Variants in TOMM40 observed in about 807,000 individuals in gnomAD.
The protein encoded by TOMM40 is translocase of outer mitochondrial membrane 40.
Under a neutral mutation model 38.4 loss-of-function variants are expected in TOMM40, and 9 were observed. The ratio of observed to expected loss-of-function variants is 0.23; its 90% CI spans 0.14 to 0.41. The LOEUF (loss-of-function observed/expected upper bound fraction) is 0.41, where lower values mean the gene tolerates loss of function less well. Ranked by LOEUF, TOMM40 falls within the 10% of genes least tolerant of loss-of-function variation. TOMM40 has a pLI of 1.00. For synonymous variants in TOMM40, 184 were observed against 210.0 expected (o/e 0.88, Z 1.07); for missense variants, 299 against 486.5 (o/e 0.61, Z 3.63).
At chr19:44,898,730 G>A (rs552796536) in intron 5 of TOMM40, among the ~76,000 whole-genome samples, 246 of 151,658 alleles carry the variant, frequency 1.6e-3, no homozygotes, top group Non-Finnish European at 2.8e-3. Context: ...TAGAGACAGG[G>A]TTTCACCATG....
In TOMM40 at chr19:44,903,197, C is replaced by T. The variant is rs1411271919; in HGVS notation, c.*28C>T. 4 of 1,584,902 alleles carry T rather than the reference C, an allele frequency of 2.5e-6. No homozygotes were observed. Among genetic ancestry groups the T allele is most frequent in the Non-Finnish European group, 3.4e-6 (4 of 1,166,334 alleles). The stretch of plus-strand genomic sequence containing the variant: ...CCTCCTGGCCCCCGCCTTCCACGCC[C>T]TTCCGATTCCACCTCCACCTCCACC... On this transcript the variant is annotated 3_prime_UTR_variant, in exon 9 of 9. Transcript: ENST00000426677.
At chr19:44,895,668 T>C (rs1017219822) in intron 5 of TOMM40, among the ~76,000 whole-genome samples, 1 of 152,024 alleles carries the variant, frequency 6.6e-6, no homozygotes, top group African/African-American at 2.4e-5. Context: ...CTCCCTAGTA[T>C]CCCTAGTAGC....
At chr19:44,894,088 G>T (rs776646479) in intron 5 of TOMM40, 22 bp downstream of exon 5, 2 of 1,482,318 alleles carry the variant, frequency 1.3e-6, no homozygotes, top group Middle Eastern at 2.4e-4. Context: ...AGGGCTTGGA[G>T]GGTGGTCACA....
At chr19:44,901,591 T>C in intron 8 of TOMM40, 1 of 733,158 alleles carries the variant, frequency 1.4e-6, no homozygotes, top group Non-Finnish European at 2.1e-6. Context: ...AAAAACAAAA[T>C]TAGCCGGGTG....
chr19:44,893,914 G>A (rs73936970), intron 4 of TOMM40, 33 bp downstream of exon 4: 103 of 1,607,670 alleles, frequency 6.4e-5, no homozygotes, highest in African/African-American at 3.7e-4. Flanking sequence ...TGCTCCCCTC[G>A]GCCACCGTGA....
At position 44,894,261 on chromosome 19, in the gene TOMM40, C is replaced by CTTTTTTT. The variant is rs35647923; in HGVS notation, c.643+207_643+213dup. 9.0e-5 allele frequency among the ~76,000 whole-genome samples: 12 copies of CTTTTTTT among 133,632 alleles called. 1 individual carries two copies. The highest frequency in any genetic ancestry group is 3.2e-4 in the African/African-American group (11 of 34,732). 87.7% of individuals were successfully genotyped at this position (133,632 alleles called of 152,430 possible). ...CCATGAGTGGGTGAGTCAGAGCAGTCTTTTTTTTTTTTTTTTTTGAGATGG... is the reference window on the plus strand; with the variant it reads ...CCATGAGTGGGTGAGTCAGAGCAGTCTTTTTTTTTTTTTTTTTTTTTTTTTGAGATGG... On this transcript the variant is annotated intron_variant, in intron 5 of 8. Transcript: ENST00000426677.
At chr19:44,899,618 ATTTT>A (rs139644294) in intron 5 of TOMM40, among the ~76,000 whole-genome samples, 17 of 143,506 alleles carry the variant, frequency 1.2e-4, no homozygotes, top group African/African-American at 3.8e-4. Context: ...CCTGGCCTTG[ATTTT>A]TTTTTTTTTT....
intron 6 of TOMM40, 37 bp from the exon 7 acceptor site, chr19:44,900,991 G>A: frequency 6.2e-7 from 1 of 1,612,890 alleles, no homozygotes; most frequent in Non-Finnish European, 8.5e-7. Flanking sequence ...AAATCCCCTT[G>A]GTAATGAGAC....
chr19:44,897,918 C>T (rs1340597831), intron 5 of TOMM40, among the ~76,000 whole-genome samples: 58 of 152,052 alleles, frequency 3.8e-4, no homozygotes, highest in Admixed American at 3.8e-3. Context: ...CTACTGTGCC[C>T]CGCCCGTGTG....
At chr19:44,897,473 C>G (rs1338263902) in intron 5 of TOMM40, among the ~76,000 whole-genome samples, 2 of 152,074 alleles carry the variant, frequency 1.3e-5, no homozygotes, top group African/African-American at 2.4e-5. Flanking sequence ...TACCTCTGCC[C>G]TGAGACGCAG....
rs73936969 is a variant in TOMM40 at position 44,892,824 on chromosome 19, G to A, written c.343-13G>A. 6.8e-6 allele frequency: 11 copies of A among 1,605,964 alleles called. No individual in the cohort carries two copies. The highest frequency in any genetic ancestry group is 3.3e-5 in the Admixed American group (2 of 59,968). Reference sequence around the variant, plus strand: ...TCTGTCCAGTATCGTCACAGCTCTCGCTTTCCTTCCAGGTCAACCACACAG... The same window carrying A: ...TCTGTCCAGTATCGTCACAGCTCTCACTTTCCTTCCAGGTCAACCACACAG... On this transcript the variant is annotated splice_polypyrimidine_tract_variant and intron_variant, in intron 2 of 8. Transcript: ENST00000426677.
rs1249240901 is a variant in TOMM40, at chr19:44,893,889, G to A, written c.537+8G>A. ...TCCAAGATGGCCATCCAGGTGAGTG[G>A]GGCACGGAGGCTGCTGCTCCCCTCG... On this transcript the variant is annotated splice_region_variant and intron_variant, in intron 4 of 8. Transcript: ENST00000426677. The A allele has an allele frequency of 1.9e-6, 3 of 1,611,898 alleles. No homozygotes were observed. Among genetic ancestry groups the A allele is most frequent in the Non-Finnish European group, 2.5e-6 (3 of 1,179,714 alleles).
rs567617672 is a variant in TOMM40 at position 44,903,351 on chromosome 19, C to T, written c.*182C>T. The T allele has an allele frequency of 4.3e-5, 27 of 628,616 alleles. No homozygotes were observed. The highest frequency in any genetic ancestry group is 3.6e-4 in the African/African-American group (19 of 52,956). 38.9% of individuals were successfully genotyped at this position (628,616 alleles called of 1,614,324 possible). A position where few individuals can be genotyped will look rare whatever the true frequency, so the allele number is the denominator to read the frequency against. On this transcript the variant is annotated 3_prime_UTR_variant, in exon 9 of 9. Transcript: ENST00000426677. ...AGGAGGGGATTCTGGAACTGAATGG[C>T]GCTTCGGGATTCTGAGTAGCAGGGG... is the stretch of plus-strand genomic sequence containing the variant.
At chr19:44,901,491 C>T in intron 8 of TOMM40, 181 bp downstream of exon 8, 1 of 1,441,674 alleles carries the variant, frequency 6.9e-7, no homozygotes, top group Non-Finnish European at 9.1e-7. Context: ...GCCTGTAATC[C>T]CAGCACTTTG....
At chr19:44,894,495 C>G (rs564024549) in intron 5 of TOMM40, among the ~76,000 whole-genome samples, 4 of 152,274 alleles carry the variant, frequency 2.6e-5, no homozygotes, top group African/African-American at 7.2e-5. Context: ...CTCCTGACCT[C>G]AAGGGATCCA....
At chr19:44,894,594 G>A (rs559568457) in intron 5 of TOMM40, among the ~76,000 whole-genome samples, 3 of 152,042 alleles carry the variant, frequency 2.0e-5, no homozygotes, top group African/African-American at 7.2e-5. Flanking sequence ...ATTTTCTTTT[G>A]TATTAAAAAA....
In TOMM40 at chr19:44,893,868, A is replaced by G. The variant is rs1344203364; in HGVS notation, c.524A>G (p.Lys175Arg). The G allele has an allele frequency of 6.2e-7, 1 of 1,612,348 alleles. No individual in the cohort carries two copies. The highest frequency in any genetic ancestry group is 2.2e-5 in the East Asian group (1 of 44,878). ...CAGCTGGGCCCCGGTCTCAGGTCCA[A>G]GATGGCCATCCAGGTGAGTGGGGCA... ...IHQLGPGLRS[K>R]MAIQTQQSKF... is the part of the protein sequence containing the mutation. The change falls in exon 4 of 9, where the codon AAG becomes AGG. Residue 175 changes from lysine to arginine, a missense_variant. By Grantham distance (26) the Lys-to-Arg change is conservative (BLOSUM62 2). Transcript: ENST00000426677.
chr19:44,895,333 G>C (rs528311166), intron 5 of TOMM40, among the ~76,000 whole-genome samples: 2 of 152,248 alleles, frequency 1.3e-5, no homozygotes, highest in Non-Finnish European at 2.9e-5. Flanking sequence ...GGAGAAGCAG[G>C]AACAGGGGTG....
rs1969484378 is a variant in TOMM40, at chr19:44,892,442, G to A, written c.324G>A (p.Gly108=). The A allele has an allele frequency of 1.2e-6, 2 of 1,612,950 alleles. No individual in the cohort carries two copies. The highest frequency in any genetic ancestry group is 2.2e-5 in the East Asian group (1 of 44,892). The change falls in exon 2 of 9, where the codon GGG becomes GGA. Residue 108 remains glycine, a synonymous_variant. Coordinates refer to ENST00000426677, the MANE Select transcript of TOMM40 (RefSeq NM_001128917.2). ...GTGTCAAGCTCACAGTCAACAAAGGGTTGAGTAACCATTTTCAGGTGAGCC... is the reference window on the plus strand; with the variant it reads ...GTGTCAAGCTCACAGTCAACAAAGGATTGAGTAACCATTTTCAGGTGAGCC... ...MEGVKLTVNK[G]LSNHFQVNHT...
Sources: allele counts gnomAD v4.1 joint callset (sites outside exome capture counted in the v4.1 genomes callset), GRCh38; gene constraint gnomAD v4.1.1; transcripts MANE v1.5; gene names NCBI Gene and HGNC (gene_info 2026-07-23, HGNC 2026-07-21).